Variants in IQCJ observed in about 807,000 individuals in gnomAD.
The protein encoded by IQCJ is IQ domain-containing protein J.
IQCJ carries 9 observed loss-of-function variants against 11.0 expected under a neutral mutation model. The observed-to-expected ratio is 0.82, with a 90% CI of 0.49 to 1.43. The LOEUF is 1.43. Among genes scored for constraint, IQCJ ranks in the 40% most tolerant of loss-of-function variants. The pLI is 0.00. For missense variants in IQCJ, 146 were observed against 133.2 expected, an observed-to-expected ratio of 1.10 and a Z score of -0.47; for synonymous variants, 55 against 51.3, an observed-to-expected ratio of 1.07 and a Z score of -0.31.
chr3:159,077,749 C>T (rs550896367), intron 1 of IQCJ, among the ~76,000 whole-genome samples: 1 of 152,190 alleles, frequency 6.6e-6, no homozygotes, highest in East Asian at 1.9e-4. Flanking sequence ...TTTTCCATTT[C>T]ACTTTATGTA....
intron 1 of IQCJ, among the ~76,000 whole-genome samples, chr3:159,080,842 T>C (rs1375291709): frequency 6.6e-6 from 1 of 152,078 alleles, no homozygotes; most frequent in East Asian, 1.9e-4. Context: ...TTCTCACTGG[T>C]TGTAGAAGTC....
intron 1 of IQCJ, among the ~76,000 whole-genome samples, chr3:159,202,097 T>C (rs1724382907): frequency 6.6e-6 from 1 of 152,172 alleles, no homozygotes; most frequent in Non-Finnish European, 1.5e-5. Flanking sequence ...TTGCCTGAAA[T>C]TGTTTGCAAA....
At chr3:159,075,558 G>A (rs975856525) in intron 1 of IQCJ, among the ~76,000 whole-genome samples, 2 of 151,982 alleles carry the variant, frequency 1.3e-5, no homozygotes, top group Non-Finnish European at 2.9e-5. Flanking sequence ...AGAGCATAGA[G>A]CTATCGTAAG....
intron 1 of IQCJ, among the ~76,000 whole-genome samples, chr3:159,173,393 T>A (rs1422454443): frequency 6.6e-6 from 1 of 152,200 alleles, no homozygotes; most frequent in Non-Finnish European, 1.5e-5. Context: ...AGGGTATATT[T>A]TCTATTATTA....
intron 1 of IQCJ, among the ~76,000 whole-genome samples, chr3:159,176,681 A>G (rs913089586): frequency 1.3e-5 from 2 of 152,236 alleles, no homozygotes; most frequent in African/African-American, 2.4e-5. Context: ...CATATAAAAA[A>G]TGCTATGATT....
rs199757984 is a variant in IQCJ at position 159,216,075 on chromosome 3, C to CGT, written c.10-29756_10-29755dup. Among the ~76,000 whole-genome samples, 13 of 126,620 alleles carry CGT rather than the reference C, an allele frequency of 1.0e-4. No individual in the cohort carries two copies. The East Asian group carries it at 1.2e-3, about 11-fold the overall frequency. The allele number at this position is 126,620 out of a possible 152,430, so 83.1% of individuals were successfully genotyped here. On this transcript the variant is annotated intron_variant, in intron 1 of 3. Transcript: ENST00000397832. ...GGGAAAAGTTTTGAGAAAAAGAAAG[C>CGT]GTGTGTGTGTGTGGGGCGGGGGGTG...
At chr3:159,194,640 G>A (rs776868847) in intron 1 of IQCJ, among the ~76,000 whole-genome samples, 17 of 152,144 alleles carry the variant, frequency 1.1e-4, no homozygotes, top group Non-Finnish European at 2.5e-4. Flanking sequence ...TGACTGATGG[G>A]TTTTCTAGCC....
intron 1 of IQCJ, among the ~76,000 whole-genome samples, chr3:159,076,782 G>A (rs1377202794): frequency 1.3e-5 from 2 of 152,124 alleles, no homozygotes; most frequent in Non-Finnish European, 2.9e-5. Flanking sequence ...GTGGATAAAA[G>A]CACCTGACCC....
chr3:159,247,051 C>T (rs1478708511), intron 2 of IQCJ, among the ~76,000 whole-genome samples: 1 of 152,142 alleles, frequency 6.6e-6, no homozygotes, highest in African/African-American at 2.4e-5. Context: ...GACAGGTTAA[C>T]AAAAGAAAAG....
In IQCJ at chr3:159,235,348, G is replaced by A. The variant is rs138457030; in HGVS notation, c.10-10495G>A. Among the ~76,000 whole-genome samples, 910 of 152,286 alleles carry A rather than the reference G, an allele frequency of 6.0e-3. 8 individuals carry two copies. The highest frequency in any genetic ancestry group is 0.02 in the African/African-American group (842 of 41,560). ...ATCCTAGATTTAATGGAAGTGGTTAGACATTTTGTAATGAGCCAGTTCTTC... is the reference window on the plus strand; with the variant it reads ...ATCCTAGATTTAATGGAAGTGGTTAAACATTTTGTAATGAGCCAGTTCTTC... On this transcript the variant is annotated intron_variant, in intron 1 of 3. Coordinates refer to ENST00000397832, the MANE Select transcript of IQCJ (RefSeq NM_001042706.3).
chr3:159,076,555 T>C (rs1041100793), intron 1 of IQCJ, among the ~76,000 whole-genome samples: 14 of 152,144 alleles, frequency 9.2e-5, no homozygotes, highest in Non-Finnish European at 1.8e-4. Context: ...AGAAGCATGG[T>C]GTAGTGGAAT....
At position 159,208,018 on chromosome 3, in the gene IQCJ, T is replaced by C. The variant is rs78859698; in HGVS notation, c.10-37825T>C. ...TTTAAAATTTATCCTTTAGCAGAGT[T>C]GTGACAAGATAATGAATGTGCATTT... On this transcript the variant is annotated intron_variant, in intron 1 of 3. Transcript: ENST00000397832. 5.5e-3 allele frequency among the ~76,000 whole-genome samples: 843 copies of C among 152,186 alleles called. 11 individuals are homozygous for C. Among genetic ancestry groups the C allele is most frequent in the African/African-American group, 0.02 (819 of 41,514 alleles).
chr3:159,255,475 G>T (rs1051530755), intron 3 of IQCJ, among the ~76,000 whole-genome samples: 5 of 152,228 alleles, frequency 3.3e-5, no homozygotes, highest in Admixed American at 6.5e-5. Flanking sequence ...GCAGGAAAGG[G>T]TCTCAGATGG....
At chr3:159,149,534 T>C (rs776532434) in intron 1 of IQCJ, among the ~76,000 whole-genome samples, 2 of 152,134 alleles carry the variant, frequency 1.3e-5, no homozygotes, top group Non-Finnish European at 2.9e-5. Context: ...ATTAAGAGGC[T>C]GTTTGGGGGC....
At chr3:159,253,982 A>G (rs998183492) in intron 3 of IQCJ, among the ~76,000 whole-genome samples, 1 of 152,242 alleles carries the variant, frequency 6.6e-6, no homozygotes, top group African/African-American at 2.4e-5. Context: ...ATGAAGTCCA[A>G]ACAAGACTTC....
At chr3:159,131,467 TG>T (rs896230509) in intron 1 of IQCJ, among the ~76,000 whole-genome samples, 5 of 152,192 alleles carry the variant, frequency 3.3e-5, no homozygotes, top group African/African-American at 9.7e-5. Flanking sequence ...GGAAAGAAGC[TG>T]GGGCACTTCT....
chr3:159,220,476 C>T (rs1725472830), intron 1 of IQCJ, among the ~76,000 whole-genome samples: 2 of 152,102 alleles, frequency 1.3e-5, no homozygotes, highest in Non-Finnish European at 2.9e-5. Context: ...CAAGAAGAGC[C>T]TCAGAAGAAA....
chr3:159,109,831 A>G (rs970990961), intron 1 of IQCJ, among the ~76,000 whole-genome samples: 1 of 152,218 alleles, frequency 6.6e-6, no homozygotes, highest in Non-Finnish European at 1.5e-5. Flanking sequence ...ATTTAAAACG[A>G]TAAATAAACA....
chr3:159,120,303 C>G (rs903360608), intron 1 of IQCJ, among the ~76,000 whole-genome samples: 3 of 152,176 alleles, frequency 2.0e-5, no homozygotes, highest in African/African-American at 4.8e-5. Flanking sequence ...TATCCCTATC[C>G]AGTTCCAGCT....
Sources: allele counts gnomAD v4.1 joint callset (sites outside exome capture counted in the v4.1 genomes callset), GRCh38; gene constraint gnomAD v4.1.1; transcripts MANE v1.5; gene names NCBI Gene and HGNC (gene_info 2026-07-23, HGNC 2026-07-21).